The following RPS6KA2 variants were observed in gnomAD, a reference collection of about 807,000 sequenced individuals.
The protein encoded by RPS6KA2 is ribosomal protein S6 kinase alpha-2.
In RPS6KA2, 42 loss-of-function variants were observed where a neutral mutation model predicts 91.8. The ratio of observed to expected loss-of-function variants is 0.46; its 90% CI spans 0.36 to 0.59. RPS6KA2 has a LOEUF of 0.59. Among genes scored for constraint, RPS6KA2 ranks in the 20% least tolerant of loss-of-function variants. RPS6KA2 has a pLI of 0.00. For missense variants in RPS6KA2, 798 were observed against 978.5 expected, an observed-to-expected ratio of 0.82 and a Z score of 2.46; for synonymous variants, 414 against 393.6, an observed-to-expected ratio of 1.05 and a Z score of -0.61.
intron 2 of RPS6KA2, among the ~76,000 whole-genome samples, chr6:166,842,045 G>A (rs10806868): frequency 0.55 from 83,627 of 151,818 alleles, 24,900 homozygotes; most frequent in Middle Eastern, 0.75. Flanking sequence ...CACCTCCAGC[G>A]GTAGTAGAAG....
At chr6:166,641,755 A>AAAAAAAAAAAAAAAAC in intron 2 of RPS6KA2, among the ~76,000 whole-genome samples, 1 of 141,162 alleles carries the variant, frequency 7.1e-6, no homozygotes, top group African/African-American at 2.7e-5. Flanking sequence ...AAAAAAAAAA[A>AAAAAAAAAAAAAAAAC]AAAAAAAAAT....
chr6:166,448,010 A>G lies in RPS6KA2; in HGVS notation c.1332+714T>C, dbSNP rs896637511. ...GCAGGAAGCTTTACCTTTAATCCACATTTTACTAACCAAAAATCTCTAGAA... is the reference window on the plus strand; with the variant it reads ...GCAGGAAGCTTTACCTTTAATCCACGTTTTACTAACCAAAAATCTCTAGAA... On this transcript the variant is annotated intron_variant, in intron 14 of 20. Transcript: ENST00000265678. The surrounding 1 kb of genome is among the most constrained non-coding windows in gnomAD (Gnocchi z 4.7). Among the ~76,000 whole-genome samples, 1 of 152,142 alleles carries G rather than the reference A, an allele frequency of 6.6e-6. No homozygotes were observed. Among genetic ancestry groups the G allele is most frequent in the Non-Finnish European group, 1.5e-5 (1 of 68,018 alleles).
chr6:166,478,461 G>A (rs994312063), intron 10 of RPS6KA2, among the ~76,000 whole-genome samples: 6 of 152,208 alleles, frequency 3.9e-5, no homozygotes, highest in Middle Eastern at 6.8e-3. Flanking sequence ...TGGATTTCCC[G>A]GGTGAGCTTC....
At chr6:166,654,680 T>TA (rs1286543970) in intron 2 of RPS6KA2, among the ~76,000 whole-genome samples, 3 of 152,248 alleles carry the variant, frequency 2.0e-5, no homozygotes, top group African/African-American at 7.2e-5. Context: ...CATTTACATT[T>TA]ATGAACAAAG....
At chr6:166,766,195 T>C (rs1249162374) in intron 2 of RPS6KA2, among the ~76,000 whole-genome samples, 2 of 152,198 alleles carry the variant, frequency 1.3e-5, no homozygotes. Flanking sequence ...ATTGGTGAAA[T>C]TGCCTGAGAG....
At chr6:166,516,994 C>T (rs1782669207) in intron 3 of RPS6KA2, among the ~76,000 whole-genome samples, 1 of 152,116 alleles carries the variant, frequency 6.6e-6, no homozygotes, top group Non-Finnish European at 1.5e-5. Context: ...ATTGTTTAGC[C>T]ACATGTCTGA....
intron 2 of RPS6KA2, among the ~76,000 whole-genome samples, chr6:166,779,699 A>T (rs1778716425): frequency 6.6e-6 from 1 of 152,150 alleles, no homozygotes. Flanking sequence ...TTTCCTTTCC[A>T]TGAGCAGATT....
chr6:166,453,283 C>A (rs1403879098), intron 12 of RPS6KA2, among the ~76,000 whole-genome samples: 1 of 151,902 alleles, frequency 6.6e-6, no homozygotes, highest in East Asian at 1.9e-4. Flanking sequence ...AACAGACAAC[C>A]TGCAGAATGG....
chr6:166,525,616 G>A (rs777631173), intron 3 of RPS6KA2, among the ~76,000 whole-genome samples: 11 of 152,196 alleles, frequency 7.2e-5, no homozygotes, highest in African/African-American at 1.2e-4. Context: ...AATCAGCCAC[G>A]GTTTGGAGAA....
At chr6:166,829,953 T>C (rs1780140276) in intron 2 of RPS6KA2, among the ~76,000 whole-genome samples, 1 of 151,900 alleles carries the variant, frequency 6.6e-6, no homozygotes, top group African/African-American at 2.4e-5. Context: ...CTACTTTTAG[T>C]ATTTTTAATT....
At chr6:166,420,011 TGACA>T in intron 17 of RPS6KA2, 53 bp from the exon 18 acceptor site, 2 of 1,532,838 alleles carry the variant, frequency 1.3e-6, no homozygotes, top group Non-Finnish European at 9.0e-7. Context: ...ACATTCAGAT[TGACA>T]GCACGTTTCT....
intron 2 of RPS6KA2, among the ~76,000 whole-genome samples, chr6:166,841,717 A>G (rs1403332897): frequency 6.6e-6 from 1 of 152,262 alleles, no homozygotes; most frequent in East Asian, 1.9e-4. Context: ...GGGGGCTGAC[A>G]GCAAGTAATG....
chr6:166,593,059 A>T lies in RPS6KA2; in HGVS notation c.99+33862T>A, dbSNP rs184319899. On this transcript the variant is annotated intron_variant, in intron 1 of 20. Coordinates refer to ENST00000265678, the MANE Select transcript of RPS6KA2 (RefSeq NM_021135.6). The stretch of plus-strand genomic sequence containing the variant: ...CTCGACAGACACCAGTGAGCAAAAG[A>T]GCAGTTCAGGAGAAAGGCGCAGGAC... 2.0e-5 allele frequency among the ~76,000 whole-genome samples: 3 copies of T among 152,308 alleles called. No homozygotes were observed. The East Asian group carries it at 5.8e-4, about 29-fold the overall frequency.
intron 2 of RPS6KA2, among the ~76,000 whole-genome samples, chr6:166,714,193 G>A (rs1789948449): frequency 1.3e-5 from 2 of 152,218 alleles, no homozygotes; most frequent in Admixed American, 1.3e-4. Flanking sequence ...AAGAGGTGCA[G>A]GCCAGTGTTC....
At chr6:166,839,689 A>AGGGGAGGGGAGGG (rs1306436538) in intron 2 of RPS6KA2, among the ~76,000 whole-genome samples, 87 of 6,778 alleles carry the variant, frequency 0.013, 14 homozygotes, top group East Asian at 0.056. Flanking sequence ...GCAGGAGAGG[A>AGGGGAGGGGAGGG]GAGGGGAGGA....
chr6:166,450,887 G>A (rs1779888626), intron 13 of RPS6KA2, among the ~76,000 whole-genome samples: 2 of 151,672 alleles, frequency 1.3e-5, no homozygotes, highest in South Asian at 2.1e-4. Flanking sequence ...GGAGCACCAC[G>A]TGAGATCATC....
chr6:166,748,035 G>A (rs4710089), intron 2 of RPS6KA2, among the ~76,000 whole-genome samples: 47,867 of 152,020 alleles, frequency 0.31, 8,183 homozygotes, highest in African/African-American at 0.46. Context: ...GCAGGAGCCT[G>A]GAAATGTCTC....
chr6:166,855,499 G>GA (rs1325853587), intron 2 of RPS6KA2, among the ~76,000 whole-genome samples: 5 of 117,104 alleles, frequency 4.3e-5, no homozygotes, highest in Non-Finnish European at 7.2e-5. Flanking sequence ...GGAAGAAGAA[G>GA]AGGAAGAAGA....
At position 166,500,989 on chromosome 6, in the gene RPS6KA2, A is replaced by G; in HGVS notation, c.567-65T>C. 1 of 1,479,992 alleles carries G rather than the reference A, an allele frequency of 6.8e-7. No individual in the cohort carries two copies. The highest frequency in any genetic ancestry group is 9.4e-7 in the Non-Finnish European group (1 of 1,063,120). The allele number at this position is 1,479,992 out of a possible 1,614,324, so 91.7% of individuals were successfully genotyped here. On this transcript the variant is annotated intron_variant, in intron 6 of 20. Transcript: ENST00000265678. This position sits in a 1 kb window ranked among gnomAD's most constrained non-coding sequence, Gnocchi z 4.3. The stretch of plus-strand genomic sequence containing the variant: ...ACCCAGCCTGCCGACGGGCACGCAG[A>G]GCTCAGAGGAGAGCTGCGGGGCAGC...
Sources: allele counts gnomAD v4.1 joint callset (sites outside exome capture counted in the v4.1 genomes callset), GRCh38; gene constraint gnomAD v4.1.1; non-coding constraint Gnocchi (gnomAD v3.1); transcripts MANE v1.5; gene names NCBI Gene and HGNC (gene_info 2026-07-23, HGNC 2026-07-21).